The following CNTNAP5 variants were observed in gnomAD, a reference collection of about 807,000 sequenced individuals.
CNTNAP5 encodes the protein contactin-associated protein-like 5.
CNTNAP5 carries 72 observed loss-of-function variants against 150.2 expected under a neutral mutation model. That is an observed-to-expected ratio of 0.48 (90% confidence interval 0.40 to 0.58). CNTNAP5 has a LOEUF of 0.58. Among genes scored for constraint, CNTNAP5 ranks in the 20% least tolerant of loss-of-function variants. The pLI is 0.00. For synonymous variants in CNTNAP5, 672 were observed against 619.8 expected (o/e 1.08, Z -1.25); for missense variants, 1,636 against 1,626.2 (o/e 1.01, Z -0.10).
At chr2:124,255,228 A>G (rs1573869782) in intron 3 of CNTNAP5, among the ~76,000 whole-genome samples, 1 of 152,250 alleles carries the variant, frequency 6.6e-6, no homozygotes, top group Middle Eastern at 3.4e-3. Flanking sequence ...TCTCAATTAA[A>G]AAATAAAATA....
chr2:124,789,879 T>C (rs747852005), intron 17 of CNTNAP5, 23 bp from the exon 18 acceptor site: 91 of 1,610,776 alleles, frequency 5.6e-5, no homozygotes, highest in Non-Finnish European at 7.5e-5. Flanking sequence ...CTTACATTTG[T>C]TTCCTTTTAT....
chr2:124,190,818 G>A (rs999593655), intron 1 of CNTNAP5, among the ~76,000 whole-genome samples: 10 of 152,094 alleles, frequency 6.6e-5, no homozygotes, highest in East Asian at 1.9e-4. Flanking sequence ...ATATACCTAC[G>A]TATGTAAATT....
chr2:124,416,729 G>A (rs1449559774), intron 3 of CNTNAP5, among the ~76,000 whole-genome samples: 1 of 151,946 alleles, frequency 6.6e-6, no homozygotes, highest in Non-Finnish European at 1.5e-5. Context: ...GCTTAGCATA[G>A]TGACTGGCCT....
intron 17 of CNTNAP5, among the ~76,000 whole-genome samples, chr2:124,784,351 A>G (rs1432990869): frequency 2.0e-5 from 3 of 152,192 alleles, no homozygotes; most frequent in East Asian, 1.9e-4. Context: ...CAAGGAGGGT[A>G]AAAGGAACTG....
At chr2:124,793,364 T>C (rs1270953844) in intron 18 of CNTNAP5, among the ~76,000 whole-genome samples, 2 of 152,244 alleles carry the variant, frequency 1.3e-5, no homozygotes, top group Admixed American at 1.3e-4. Flanking sequence ...ACATCTTTTG[T>C]AGATTTTAAA....
In CNTNAP5 at chr2:124,789,939, C is replaced by T. The variant is rs370802996; in HGVS notation, c.2790C>T (p.Cys930=). 1.3e-4 allele frequency: 202 copies of T among 1,613,422 alleles called. No individual in the cohort carries two copies. Among genetic ancestry groups the T allele is most frequent in the Non-Finnish European group, 1.6e-4 (193 of 1,179,498 alleles). The change falls in exon 18 of 24, where the codon TGC becomes TGT. Residue 930 remains cysteine (C), a synonymous_variant. Coordinates refer to ENST00000682447, the MANE Select transcript of CNTNAP5 (RefSeq NM_001367498.1). The stretch of plus-strand genomic sequence containing the variant: ...CCAGACAGAAAGGCTTCCTAGGATG[C>T]ATTCGCTCCTTACACTTGAATGGAC... ...TSSRQKGFLG[C]IRSLHLNGQK...
intron 1 of CNTNAP5, among the ~76,000 whole-genome samples, chr2:124,124,305 G>C (rs1025864769): frequency 6.6e-6 from 1 of 151,888 alleles, no homozygotes; most frequent in East Asian, 1.9e-4. Flanking sequence ...TGGAAGAAAG[G>C]GTATCAGTGA....
chr2:124,370,295 G>A (rs1452238790), intron 3 of CNTNAP5, among the ~76,000 whole-genome samples: 1 of 151,784 alleles, frequency 6.6e-6, no homozygotes, highest in Non-Finnish European at 1.5e-5. Flanking sequence ...CAAAGCAGCA[G>A]GAAGAAGAGA....
intron 13 of CNTNAP5, among the ~76,000 whole-genome samples, chr2:124,737,697 T>C (rs1053210781): frequency 6.6e-6 from 1 of 152,168 alleles, no homozygotes; most frequent in Non-Finnish European, 1.5e-5. Flanking sequence ...AAATAACTTT[T>C]GGAGGATGGA....
At chr2:124,832,472 T>C (rs1682736632) in intron 19 of CNTNAP5, among the ~76,000 whole-genome samples, 1 of 152,246 alleles carries the variant, frequency 6.6e-6, no homozygotes, top group African/African-American at 2.4e-5. Flanking sequence ...ACAAGACAAT[T>C]AGACCTAAAT....
At chr2:124,821,902 G>T (rs1573640058) in intron 19 of CNTNAP5, among the ~76,000 whole-genome samples, 2 of 152,178 alleles carry the variant, frequency 1.3e-5, no homozygotes, top group Non-Finnish European at 2.9e-5. Flanking sequence ...AATGTGGTTT[G>T]GTCCTACAGC....
intron 1 of CNTNAP5, among the ~76,000 whole-genome samples, chr2:124,182,276 C>T (rs553970154): frequency 5.3e-5 from 8 of 152,128 alleles, no homozygotes; most frequent in Non-Finnish European, 8.8e-5. Context: ...CCCTCACATC[C>T]TCTTCAAATG....
intron 5 of CNTNAP5, among the ~76,000 whole-genome samples, chr2:124,439,059 A>C (rs1692611425): frequency 6.6e-6 from 1 of 152,292 alleles, no homozygotes; most frequent in African/African-American, 2.4e-5. Context: ...TAAAAATTAT[A>C]AAACAATTCA....
intron 3 of CNTNAP5, among the ~76,000 whole-genome samples, chr2:124,358,383 G>A (rs988022629): frequency 3.9e-5 from 6 of 152,146 alleles, no homozygotes; most frequent in African/African-American, 1.4e-4. Flanking sequence ...TCTTGTGCCA[G>A]TTTTCAAAGG....
Position 124,920,031 on chromosome 2 carries a change from G to A in CNTNAP5, c.*5743G>A, listed in dbSNP as rs532827420. Among the ~76,000 whole-genome samples, 2 of 152,070 alleles carry A rather than the reference G, an allele frequency of 1.3e-5. No homozygotes were observed. The highest frequency in any genetic ancestry group is 2.1e-4 in the South Asian group (1 of 4,812). On this transcript the variant is annotated 3_prime_UTR_variant, in exon 24 of 24. Transcript: ENST00000682447. Reference sequence around the variant, plus strand: ...AGTGTAGTGTCCCAGCCCTGACAACGAGTACCGCCAGGGACCTACCATCTA... The same window carrying A: ...AGTGTAGTGTCCCAGCCCTGACAACAAGTACCGCCAGGGACCTACCATCTA...
intron 17 of CNTNAP5, among the ~76,000 whole-genome samples, chr2:124,786,399 G>GAAAGAAAGAAAGAAGGAAGGAAGGAAGGA (rs1558775105): frequency 1.7e-4 from 12 of 69,804 alleles, no homozygotes; most frequent in African/African-American, 5.8e-4. Flanking sequence ...AAGAAAGAAA[G>GAAAGAAAGAAAGAAGGAAGGAAGGAAGGA]AAGGAAGGAA....
intron 5 of CNTNAP5, among the ~76,000 whole-genome samples, chr2:124,442,219 T>C (rs866322478): frequency 5.3e-5 from 8 of 152,300 alleles, no homozygotes; most frequent in Non-Finnish European, 1.0e-4. Context: ...ATGCTAGCTC[T>C]GCTTCCCGCA....
At position 124,408,223 on chromosome 2, in the gene CNTNAP5, G is replaced by A. The variant is rs377145334; in HGVS notation, c.382-9220G>A. Among the ~76,000 whole-genome samples the A allele has an allele frequency of 5.0e-4, 75 of 150,604 alleles. 2 individuals carry two copies. In the South Asian group the frequency reaches 0.012, roughly 24 times the overall value. The stretch of plus-strand genomic sequence containing the variant: ...CGAGATTATATCTCGCACCTGGCTC[G>A]GAGGGTCCTACGCCCACGGAGTCTC... On this transcript the variant is annotated intron_variant, in intron 3 of 23. Coordinates refer to ENST00000682447, the MANE Select transcript of CNTNAP5 (RefSeq NM_001367498.1).
intron 11 of CNTNAP5, among the ~76,000 whole-genome samples, chr2:124,575,835 G>A (rs1008872736): frequency 3.9e-5 from 6 of 152,082 alleles, no homozygotes; most frequent in Non-Finnish European, 7.4e-5. Flanking sequence ...TCAAATTGTT[G>A]GCACTACCTT....
Sources: gnomAD v4.1 joint callset for allele counts (sites outside exome capture counted in the v4.1 genomes callset) on GRCh38, gnomAD v4.1.1 for gene constraint, MANE v1.5 for transcripts, NCBI Gene and HGNC (gene_info 2026-07-23, HGNC 2026-07-21) for gene names.